PLEKHG4B: variants seen among roughly 807,000 people sequenced by gnomAD.
PLEKHG4B encodes pleckstrin homology and RhoGEF domain containing G4B.
Under a neutral mutation model 121.3 loss-of-function variants are expected in PLEKHG4B, and 111 were observed. The observed-to-expected ratio is 0.92, with a 90% CI of 0.78 to 1.07. The LOEUF (loss-of-function observed/expected upper bound fraction) is 1.07, where lower values mean the gene tolerates loss of function less well. Among genes scored for constraint, PLEKHG4B ranks in the 50% least tolerant of loss-of-function variants. The pLI is 0.00. For missense variants in PLEKHG4B, 1,831 were observed against 1,757.8 expected (o/e 1.04, Z -0.74); for synonymous variants, 738 against 725.0 (o/e 1.02, Z -0.29).
Position 139,923 on chromosome 5 carries a change from A to C in PLEKHG4B, c.684A>C (p.Pro228=), listed in dbSNP as rs1212666383. 6 of 405,388 alleles carry C rather than the reference A, an allele frequency of 1.5e-5. No homozygotes were observed. The highest frequency in any genetic ancestry group is 2.6e-5 in the Non-Finnish European group (6 of 230,202). The allele number at this position is 405,388 out of a possible 1,614,324, so 25.1% of individuals were successfully genotyped here. A position where few individuals can be genotyped will look rare whatever the true frequency, so the allele number is the denominator to read the frequency against. The change falls in exon 3 of 20, where the codon CCA becomes CCC. Residue 228 remains proline (P), a synonymous_variant. Coordinates refer to ENST00000637938, the MANE Select transcript of PLEKHG4B (RefSeq NM_052909.5). This position sits in a 1 kb window ranked among gnomAD's most constrained non-coding sequence, Gnocchi z 5.0. The stretch of plus-strand genomic sequence containing the variant: ...TGCCCAGCAGCCCCTCAGAGGCCCC[A>C]GTCCCCACCCAAGCCACAGCAGGCC... ...ERLPSSPSEA[P]VPTQATAGPH... is the part of the protein sequence containing the mutation.
At chr5:142,706 G>A (rs1735258516) in intron 3 of PLEKHG4B, among the ~76,000 whole-genome samples, 1 of 151,786 alleles carries the variant, frequency 6.6e-6, no homozygotes, top group Non-Finnish European at 1.5e-5. Context: ...TACCACACAT[G>A]CACGCGCAGT....
intron 14 of PLEKHG4B, among the ~76,000 whole-genome samples, chr5:169,955 A>C (rs1429848372): frequency 6.6e-6 from 1 of 152,066 alleles, no homozygotes; most frequent in African/African-American, 2.4e-5. Flanking sequence ...GCCAGGCCTC[A>C]CCTCTTCACA....
intron 4 of PLEKHG4B, 39 bp from the exon 5 acceptor site, chr5:143,341 G>A (rs1163751645): frequency 6.2e-7 from 1 of 1,608,496 alleles, no homozygotes; most frequent in Middle Eastern, 1.7e-4. Flanking sequence ...CCTTGTAGGA[G>A]TGAAGCCCTT....
At chr5:172,577 C>CG (rs1736597264) in intron 16 of PLEKHG4B, among the ~76,000 whole-genome samples, 1 of 152,012 alleles carries the variant, frequency 6.6e-6, no homozygotes, top group Non-Finnish European at 1.5e-5. Flanking sequence ...GACCCGGGAA[C>CG]GGGGGCCGGG....
intron 18 of PLEKHG4B, 30 bp downstream of exon 18, chr5:174,128 A>T: frequency 2.1e-6 from 3 of 1,412,058 alleles, no homozygotes; most frequent in Non-Finnish European, 1.9e-6. Context: ...AGGGCCTGCC[A>T]GGCTCAGGGG....
chr5:148,773 T>A (rs1735510895), intron 6 of PLEKHG4B, among the ~76,000 whole-genome samples: 1 of 152,060 alleles, frequency 6.6e-6, no homozygotes. Flanking sequence ...CCAAAACAAT[T>A]GTAAAAAATA....
chr5:133,310 T>C (rs1175097527), intron 2 of PLEKHG4B, among the ~76,000 whole-genome samples: 2 of 152,194 alleles, frequency 1.3e-5, no homozygotes, highest in African/African-American at 4.8e-5. Flanking sequence ...CAGAGTTTTC[T>C]AGGTATATGA....
Position 183,920 on chromosome 5 carries a change from G to T in PLEKHG4B, c.*1597G>T, listed in dbSNP as rs1392270820. 1 of 151,966 alleles carries T rather than the reference G, an allele frequency of 6.6e-6. No homozygotes were observed. The highest frequency in any genetic ancestry group is 1.5e-5 in the Non-Finnish European group (1 of 68,026). The allele number at this position is 151,966 out of a possible 1,614,324, so 9.4% of individuals were successfully genotyped here. ...CAGTGGAAACTATTTGCATTTGTTG[G>T]GCCTCCAGAGAGACAGAACCAATAG... On this transcript the variant is annotated 3_prime_UTR_variant, in exon 20 of 20. Coordinates refer to ENST00000637938, the MANE Select transcript of PLEKHG4B (RefSeq NM_052909.5).
intron 2 of PLEKHG4B, among the ~76,000 whole-genome samples, chr5:114,262 TCC>T (rs1418227214): frequency 1.6e-4 from 25 of 152,278 alleles, no homozygotes; most frequent in African/African-American, 6.0e-4. Context: ...CATTGACTCT[TCC>T]TTTTATGAAC....
chr5:116,971 G>A (rs1167881754), intron 2 of PLEKHG4B, among the ~76,000 whole-genome samples: 1 of 152,224 alleles, frequency 6.6e-6, no homozygotes, highest in Non-Finnish European at 1.5e-5. Context: ...TGCTTTCGCT[G>A]CGTCTGAAAA....
chr5:125,931 C>G (rs1734600390), intron 2 of PLEKHG4B, among the ~76,000 whole-genome samples: 1 of 152,204 alleles, frequency 6.6e-6, no homozygotes, highest in South Asian at 2.1e-4. Flanking sequence ...GTCCCACTGC[C>G]TTCTGGACTT....
intron 2 of PLEKHG4B, among the ~76,000 whole-genome samples, chr5:133,451 T>C (rs1201865583): frequency 2.6e-5 from 4 of 151,542 alleles, no homozygotes; most frequent in Non-Finnish European, 4.4e-5. Context: ...AAAAAAACAG[T>C]CCCATCAAAA....
intron 5 of PLEKHG4B, 138 bp downstream of exon 5, chr5:143,641 C>G: frequency 9.2e-7 from 1 of 1,085,050 alleles, no homozygotes; most frequent in Non-Finnish European, 1.3e-6. Context: ...TCAGAGCAGT[C>G]AGCACCCATG....
intron 3 of PLEKHG4B, among the ~76,000 whole-genome samples, chr5:142,552 CCACA>C (rs10602925): frequency 2.6e-5 from 4 of 151,244 alleles, no homozygotes; most frequent in East Asian, 1.9e-4. Context: ...GTTCCAAATA[CCACA>C]CACACAGTCA....
At chr5:148,438 CAGTG>C (rs1735502254) in intron 6 of PLEKHG4B, among the ~76,000 whole-genome samples, 1 of 151,424 alleles carries the variant, frequency 6.6e-6, no homozygotes, top group Non-Finnish European at 1.5e-5. Context: ...TCTATGCTAA[CAGTG>C]AGCAATCTGA....
At position 182,437 on chromosome 5, in the gene PLEKHG4B, A is replaced by C. The variant is rs1279353240; in HGVS notation, c.*114A>C. The C allele has an allele frequency of 4.1e-5, 42 of 1,026,412 alleles. No homozygotes were observed. Among genetic ancestry groups the C allele is most frequent in the Non-Finnish European group, 5.3e-5 (38 of 712,144 alleles). 63.6% of individuals were successfully genotyped at this position (1,026,412 alleles called of 1,614,324 possible). A position where few individuals can be genotyped will look rare whatever the true frequency, so the allele number is the denominator to read the frequency against. ...GCCCATCGCGTGGCTGGAACGATCC[A>C]GAGGGAATAGCACAGCAGGTGTCCA... On this transcript the variant is annotated 3_prime_UTR_variant, in exon 20 of 20. Coordinates refer to ENST00000637938, the MANE Select transcript of PLEKHG4B (RefSeq NM_052909.5).
intron 5 of PLEKHG4B, chr5:143,937 A>AAC (rs780281073): frequency 6.0e-6 from 1 of 167,542 alleles, no homozygotes; most frequent in Non-Finnish European, 1.3e-5. Flanking sequence ...TCAAAGAACA[A>AAC]ACACACACAC....
intron 9 of PLEKHG4B, 118 bp from the exon 10 acceptor site, chr5:155,953 T>C: frequency 1.0e-5 from 11 of 1,099,876 alleles, no homozygotes; most frequent in Non-Finnish European, 1.4e-5. Flanking sequence ...GGCACTGTCA[T>C]GCCGCCAGGC....
rs1217183074 is a variant in PLEKHG4B at position 140,261 on chromosome 5, G to A, written c.1022G>A (p.Gly341Glu). 9.6e-6 allele frequency: 14 copies of A among 1,455,070 alleles called. No individual in the cohort carries two copies. The highest frequency in any genetic ancestry group is 1.3e-5 in the Non-Finnish European group (14 of 1,102,394). 90.1% of individuals were successfully genotyped at this position (1,455,070 alleles called of 1,614,324 possible). Reference protein sequence around the residue: ...GIPSSRRRPPGDPTCVQPRRW... With the variant: ...GIPSSRRRPPEDPTCVQPRRW... ...CCGAGCAGCAGGAGGCGGCCGCCGG[G>A]GGACCCCACTTGTGTGCAGCCTAGA... is the stretch of plus-strand genomic sequence containing the variant. The change falls in exon 3 of 20, where the codon GGG becomes GAG. Residue 341 changes from glycine to glutamate, a missense_variant. Gly to Glu is a moderately conservative substitution (Grantham distance 98). Transcript: ENST00000637938.
Sources: gnomAD v4.1 joint callset for allele counts (sites outside exome capture counted in the v4.1 genomes callset) on GRCh38, gnomAD v4.1.1 for gene constraint, Gnocchi (gnomAD v3.1) non-coding constraint, MANE v1.5 for transcripts, NCBI Gene and HGNC (gene_info 2026-07-23, HGNC 2026-07-21) for gene names.